Variants in GBE1 observed in about 807,000 individuals in gnomAD.
GBE1 encodes 1,4-alpha-glucan-branching enzyme.
A neutral mutation model predicts 88.8 loss-of-function variants in GBE1; 70 were observed. That is an observed-to-expected ratio of 0.79 (90% confidence interval 0.65 to 0.96). The LOEUF (loss-of-function observed/expected upper bound fraction) is 0.96, where lower values mean the gene tolerates loss of function less well. GBE1 is among the 40% of genes least tolerant of loss of function. The probability of loss-of-function intolerance (pLI) is 0.00; values close to 1 mark genes in which losing one functional copy is unlikely to be tolerated. For synonymous variants in GBE1, 284 were observed against 300.1 expected, an observed-to-expected ratio of 0.95 and a Z score of 0.56; for missense variants, 872 against 871.0, an observed-to-expected ratio of 1.00 and a Z score of -0.01.
At chr3:81,507,648 T>G (rs999823493) in intron 14 of GBE1, among the ~76,000 whole-genome samples, 1 of 151,362 alleles carries the variant, frequency 6.6e-6, no homozygotes, top group African/African-American at 2.4e-5. Context: ...CAAATGCAAC[T>G]TTTTTCTTTA....
In GBE1 at chr3:81,650,951, C is replaced by G. The variant is rs555552935; in HGVS notation, c.430-1030G>C. 1.1e-4 allele frequency among the ~76,000 whole-genome samples: 16 copies of G among 152,316 alleles called. No individual in the cohort carries two copies. In the South Asian group the frequency reaches 2.1e-3, roughly 20 times the overall value. Reference sequence around the variant, plus strand: ...TCAGCCTCCCAGAGTGCTGAGATTACAGGCGTGAGCCAATGCAGCAGGCTG... The same window carrying G: ...TCAGCCTCCCAGAGTGCTGAGATTAGAGGCGTGAGCCAATGCAGCAGGCTG... On this transcript the variant is annotated intron_variant, in intron 3 of 15. Transcript: ENST00000429644.
Position 81,660,717 on chromosome 3 carries a change from A to AAC in GBE1, c.429+10119_429+10120dup, listed in dbSNP as rs1022574407. Among the ~76,000 whole-genome samples the AAC allele has an allele frequency of 2.0e-5, 3 of 152,192 alleles. No homozygotes were observed. In the South Asian group the frequency reaches 6.2e-4, roughly 32 times the overall value. ...GATGAACATACTGAAGTGCAAAAAA[A>AAC]ACACACACACATACACTGAACCACA... On this transcript the variant is annotated intron_variant, in intron 3 of 15. Transcript: ENST00000429644.
At chr3:81,727,837 T>C (rs1706133966) in intron 1 of GBE1, among the ~76,000 whole-genome samples, 1 of 152,208 alleles carries the variant, frequency 6.6e-6, no homozygotes, top group South Asian at 2.1e-4. Context: ...TGGTTTCTCA[T>C]AATTCCAGCC....
rs769767927 is a variant in GBE1 at position 81,614,487 on chromosome 3, A to T, written c.993-20464T>A. The stretch of plus-strand genomic sequence containing the variant: ...CATGGTGGCTCATGCCTGCAATCCC[A>T]ACTCTGTGGGAGGCCAAGGCGGGGG... On this transcript the variant is annotated intron_variant, in intron 7 of 15. Transcript: ENST00000429644. 1.8e-4 allele frequency among the ~76,000 whole-genome samples: 28 copies of T among 152,168 alleles called. 1 individual carries two copies. The highest frequency in any genetic ancestry group is 3.5e-4 in the Non-Finnish European group (24 of 68,032).
At chr3:81,731,463 A>G (rs530980858) in intron 1 of GBE1, among the ~76,000 whole-genome samples, 2 of 152,286 alleles carry the variant, frequency 1.3e-5, no homozygotes, top group East Asian at 1.9e-4. Flanking sequence ...ATCTTTACAA[A>G]TACTCACTTT....
intron 7 of GBE1, among the ~76,000 whole-genome samples, chr3:81,633,978 T>TTAAATA (rs1704554895): frequency 2.0e-5 from 3 of 152,150 alleles, no homozygotes. Context: ...AAATGTGGGC[T>TTAAATA]CCTGACTTAA....
At position 81,725,337 on chromosome 3, in the gene GBE1, A is replaced by G. The variant is rs549102380; in HGVS notation, c.144-19724T>C. 5.5e-4 allele frequency among the ~76,000 whole-genome samples: 83 copies of G among 151,820 alleles called. 1 individual carries two copies. The highest frequency in any genetic ancestry group is 1.1e-3 in the Non-Finnish European group (73 of 67,966). ...CTTTAAATTTTTATTTTCTTTCCTT[A>G]TATCTTTTGGCCTACCCCGGGTCAG... is the stretch of plus-strand genomic sequence containing the variant. On this transcript the variant is annotated intron_variant, in intron 1 of 15. Transcript: ENST00000429644.
intron 7 of GBE1, among the ~76,000 whole-genome samples, chr3:81,616,529 T>G (rs1476341691): frequency 6.6e-6 from 1 of 152,156 alleles, no homozygotes; most frequent in East Asian, 1.9e-4. Context: ...GGTCTATTTC[T>G]GGGTTGTCTA....
chr3:81,642,778 T>C lies in GBE1; in HGVS notation c.992+3A>G, dbSNP rs748551472. The C allele has an allele frequency of 1.3e-6, 2 of 1,572,998 alleles. No homozygotes were observed. Among genetic ancestry groups the C allele is most frequent in the Middle Eastern group, 1.7e-4 (1 of 5,974 alleles). ...AAAACATTTCTATATTGTATGTACC[T>C]ACCTGGAGTAGGCAAACAATCTGCT... On this transcript the variant is annotated splice_donor_region_variant and intron_variant, in intron 7 of 15. Transcript: ENST00000429644.
At chr3:81,667,576 G>A (rs1705129209) in intron 3 of GBE1, among the ~76,000 whole-genome samples, 1 of 152,168 alleles carries the variant, frequency 6.6e-6, no homozygotes, top group South Asian at 2.1e-4. Flanking sequence ...GATATTAGTT[G>A]TGGGTTTGTC....
intron 14 of GBE1, among the ~76,000 whole-genome samples, chr3:81,527,083 G>A (rs1172867320): frequency 6.6e-6 from 1 of 152,010 alleles, no homozygotes; most frequent in African/African-American, 2.4e-5. Context: ...ACAACCGTCT[G>A]ATCTTTGACA....
At chr3:81,588,765 T>C (rs948685209) in intron 9 of GBE1, among the ~76,000 whole-genome samples, 23 of 152,154 alleles carry the variant, frequency 1.5e-4, no homozygotes, top group African/African-American at 5.1e-4. Flanking sequence ...ATTTATTTCT[T>C]ACTATATAAA....
At chr3:81,510,141 A>AG (rs1395356619) in intron 14 of GBE1, among the ~76,000 whole-genome samples, 2 of 152,066 alleles carry the variant, frequency 1.3e-5, no homozygotes, top group Non-Finnish European at 2.9e-5. Context: ...AGAACATCAA[A>AG]GGGGTTTGTC....
rs1009049937 is a variant in GBE1, at chr3:81,761,442, G to A, written c.76C>T (p.Pro26Ser). ...AALNAALADVPELARLLEIDP... is the reference protein window; with the variant it reads ...AALNAALADVSELARLLEIDP... The stretch of plus-strand genomic sequence containing the variant: ...ATCTCCAGGAGTCTGGCCAGTTCGG[G>A]CACGTCAGCCAGGGCGGCATTGAGC... Residue 26 changes from proline to serine, a missense_variant, in exon 1 of 16, where the codon CCC becomes TCC. Physicochemically the swap from Pro to Ser is moderately conservative, Grantham distance 74. Coordinates refer to ENST00000429644, the MANE Select transcript of GBE1 (RefSeq NM_000158.4). 3 of 1,613,552 alleles carry A rather than the reference G, an allele frequency of 1.9e-6. No homozygotes were observed. The African/African-American group carries it at 4.0e-5, about 22-fold the overall frequency.
chr3:81,559,058 A>C (rs915051418), intron 12 of GBE1, among the ~76,000 whole-genome samples: 2 of 152,082 alleles, frequency 1.3e-5, no homozygotes, highest in African/African-American at 2.4e-5. Flanking sequence ...CAGTCATAGA[A>C]AATTTTTTTT....
At position 81,622,787 on chromosome 3, in the gene GBE1, G is replaced by T. The variant is rs750243922; in HGVS notation, c.992+19994C>A. On this transcript the variant is annotated intron_variant, in intron 7 of 15. Transcript: ENST00000429644. Reference sequence around the variant, plus strand: ...TTTTACCTCTTGGTCAAAAACGTCGGAGTTAACTTCTTTCTTCCCCTCATA... The same window carrying T: ...TTTTACCTCTTGGTCAAAAACGTCGTAGTTAACTTCTTTCTTCCCCTCATA... 9.7e-4 allele frequency among the ~76,000 whole-genome samples: 147 copies of T among 152,074 alleles called. 3 individuals are homozygous for T. Among genetic ancestry groups the T allele is most frequent in the Non-Finnish European group, 4.7e-4 (32 of 68,008 alleles).
chr3:81,518,817 T>C (rs1462928038), intron 14 of GBE1, among the ~76,000 whole-genome samples: 3 of 151,506 alleles, frequency 2.0e-5, no homozygotes, highest in Non-Finnish European at 4.4e-5. Context: ...ATAAAGCTCA[T>C]CATCAATAAA....
At chr3:81,569,409 T>C (rs1703541379) in intron 12 of GBE1, among the ~76,000 whole-genome samples, 1 of 152,238 alleles carries the variant, frequency 6.6e-6, no homozygotes, top group African/African-American at 2.4e-5. Context: ...TTTTTTGACC[T>C]TGTTGTTCTG....
intron 7 of GBE1, among the ~76,000 whole-genome samples, chr3:81,632,539 T>C (rs1295421952): frequency 6.6e-6 from 1 of 152,070 alleles, no homozygotes; most frequent in African/African-American, 2.4e-5. Flanking sequence ...AAGGTAATCA[T>C]TAAAAAGCCA....
Sources: gnomAD v4.1 joint callset for allele counts (sites outside exome capture counted in the v4.1 genomes callset) on GRCh38, gnomAD v4.1.1 for gene constraint, MANE v1.5 for transcripts, NCBI Gene and HGNC (gene_info 2026-07-23, HGNC 2026-07-21) for gene names.